Variants in ITGAM observed in about 807,000 individuals in gnomAD.
The protein encoded by ITGAM is integrin subunit alpha M, also known as integrin alpha-M.
Under a neutral mutation model 137.5 loss-of-function variants are expected in ITGAM, and 79 were observed. The observed-to-expected ratio is 0.57, with a 90% CI of 0.48 to 0.69. The LOEUF is 0.69. Ranked by LOEUF, ITGAM falls within the 30% of genes least tolerant of loss-of-function variation. ITGAM has a pLI of 0.00. For synonymous variants in ITGAM, 583 were observed against 592.3 expected, an observed-to-expected ratio of 0.98 and a Z score of 0.23; for missense variants, 1,343 against 1,483.5, an observed-to-expected ratio of 0.91 and a Z score of 1.56.
chr16:31,275,648 G>T lies in ITGAM; in HGVS notation c.958G>T (p.Ala320Ser). 6.2e-7 allele frequency: 1 copy of T among 1,613,880 alleles called. No homozygotes were observed. Among genetic ancestry groups the T allele is most frequent in the Non-Finnish European group, 8.5e-7 (1 of 1,179,870 alleles). ...CGTGTTCCAGGTGAATAACTTTGAGGCTCTGAAGACCATTCAGAACCAGCT... is the reference window on the plus strand; with the variant it reads ...CGTGTTCCAGGTGAATAACTTTGAGTCTCTGAAGACCATTCAGAACCAGCT... The part of the protein sequence containing the change: ...DHVFQVNNFE[A>S]LKTIQNQLRE... Residue 320 changes from alanine to serine, a missense_variant, in exon 9 of 30, where the codon GCT becomes TCT. Transcript: ENST00000544665.
At chr16:31,328,080 G>C (rs1199296758) in intron 22 of ITGAM, 67 bp from the exon 23 acceptor site, 5 of 1,200,042 alleles carry the variant, frequency 4.2e-6, no homozygotes, top group Non-Finnish European at 6.2e-6. Flanking sequence ...GGGAGTGAGG[G>C]AGAGGGAGGA....
At chr16:31,313,297 G>C (rs2080355332) in intron 14 of ITGAM, among the ~76,000 whole-genome samples, 1 of 152,080 alleles carries the variant, frequency 6.6e-6, no homozygotes, top group Admixed American at 6.6e-5. Context: ...AAGTGCCATG[G>C]TGGTTTGCTG....
At chr16:31,296,106 C>CTTTTT (rs768920728) in intron 12 of ITGAM, among the ~76,000 whole-genome samples, 5 of 131,042 alleles carry the variant, frequency 3.8e-5, no homozygotes, top group African/African-American at 1.1e-4. Flanking sequence ...ATCTTTTTAT[C>CTTTTT]TTTTTTTTTT....
In ITGAM at chr16:31,315,572, C is replaced by G. The variant is rs958577817; in HGVS notation, c.1708-5669C>G. ...TCCCGGGTCCCAGCGATTCTCCTGC[C>G]TCAGCCTCCCAAGTAGCTGGGATTA... is the stretch of plus-strand genomic sequence containing the variant. On this transcript the variant is annotated intron_variant, in intron 14 of 29. Coordinates refer to ENST00000544665, the MANE Select transcript of ITGAM (RefSeq NM_000632.4). Among the ~76,000 whole-genome samples the G allele has an allele frequency of 2.0e-5, 3 of 152,132 alleles. No homozygotes were observed. The East Asian group carries it at 5.8e-4, about 29-fold the overall frequency.
intron 14 of ITGAM, among the ~76,000 whole-genome samples, chr16:31,321,039 T>C (rs1244758340): frequency 1.3e-5 from 2 of 152,116 alleles, no homozygotes. Flanking sequence ...AAAGAAATTG[T>C]AGGTATCCTC....
At chr16:31,310,156 T>C (rs56275515) in intron 14 of ITGAM, among the ~76,000 whole-genome samples, 4,936 of 151,962 alleles carry the variant, frequency 0.032, 295 homozygotes, top group African/African-American at 0.11. Context: ...CTTTGGTGAA[T>C]CTGACAATTA....
In ITGAM at chr16:31,328,039, G is replaced by C. The variant is rs2080526666; in HGVS notation, c.2709-108G>C. On this transcript the variant is annotated intron_variant, in intron 22 of 29. Transcript: ENST00000544665. ...AGAACAGTGGGGTTTCAGATGCAGA[G>C]ATAACAGAACTTGGTGGCTGATTGG... 5 of 840,624 alleles carry C rather than the reference G, an allele frequency of 5.9e-6. No individual in the cohort carries two copies. In the African/African-American group the frequency reaches 8.3e-5, roughly 14 times the overall value. The allele number at this position is 840,624 out of a possible 1,614,324, so 52.1% of individuals were successfully genotyped here.
At chr16:31,282,031 G>C (rs374731951) in intron 12 of ITGAM, among the ~76,000 whole-genome samples, 2 of 152,288 alleles carry the variant, frequency 1.3e-5, no homozygotes, top group South Asian at 4.1e-4. Flanking sequence ...GAGCGGTTTT[G>C]AGTGAGTTTC....
rs766149203 is a variant in ITGAM at position 31,275,614 on chromosome 16, T to A, written c.924T>A (p.Pro308=). 6.2e-7 allele frequency: 1 copy of A among 1,613,956 alleles called. No homozygotes were observed. The highest frequency in any genetic ancestry group is 8.5e-7 in the Non-Finnish European group (1 of 1,179,866). The part of the protein sequence containing the change: ...QELNTIASKP[P]RDHVFQVNNF... ...TTAATACCATCGCATCCAAGCCGCCTCGTGATCACGTGTTCCAGGTGAATA... is the reference window on the plus strand; with the variant it reads ...TTAATACCATCGCATCCAAGCCGCCACGTGATCACGTGTTCCAGGTGAATA... The change falls in exon 9 of 30, where the codon CCT becomes CCA. Residue 308 remains proline (P), a synonymous_variant. Transcript: ENST00000544665.
intron 7 of ITGAM, 87 bp from the exon 8 acceptor site, chr16:31,273,278 A>T: frequency 8.5e-7 from 1 of 1,175,456 alleles, no homozygotes; most frequent in Non-Finnish European, 1.2e-6. Context: ...CCTGGATAAC[A>T]GAGTGAGTGT....
chr16:31,332,698 C>G lies in ITGAM; in HGVS notation c.*991C>G, dbSNP rs776945001. The G allele has an allele frequency of 6.6e-6, 1 of 152,228 alleles. No individual in the cohort carries two copies. The highest frequency in any genetic ancestry group is 1.5e-5 in the Non-Finnish European group (1 of 68,046). 9.4% of individuals were successfully genotyped at this position (152,228 alleles called of 1,614,324 possible). On this transcript the variant is annotated 3_prime_UTR_variant, in exon 30 of 30. Coordinates refer to ENST00000544665, the MANE Select transcript of ITGAM (RefSeq NM_000632.4). ...CTTGCTTTTTTTCACCAATATTTCT[C>G]AGACATCGGTTCATATTAAGACATA...
chr16:31,292,329 A>G (rs942810170), intron 12 of ITGAM, among the ~76,000 whole-genome samples: 2 of 152,048 alleles, frequency 1.3e-5, no homozygotes, highest in African/African-American at 4.8e-5. Flanking sequence ...AACTCATGTC[A>G]TGGGAGTTTG....
chr16:31,313,730 T>G (rs1377019281), intron 14 of ITGAM, among the ~76,000 whole-genome samples: 1 of 152,224 alleles, frequency 6.6e-6, no homozygotes, highest in South Asian at 2.1e-4. Context: ...TTATAATCCT[T>G]TGGGTATATA....
At chr16:31,328,092 C>A in intron 22 of ITGAM, 55 bp from the exon 23 acceptor site, 1 of 1,353,628 alleles carries the variant, frequency 7.4e-7, no homozygotes, top group Non-Finnish European at 1.1e-6. Flanking sequence ...GAGGGAGGAG[C>A]AAAGACTAAC....
At position 31,273,347 on chromosome 16, in the gene ITGAM, C is replaced by T. The variant is rs752565996; in HGVS notation, c.705-18C>T. 3.7e-6 allele frequency: 6 copies of T among 1,603,940 alleles called. No homozygotes were observed. The South Asian group carries it at 6.7e-5, about 18-fold the overall frequency. On this transcript the variant is annotated intron_variant, in intron 7 of 29. Transcript: ENST00000544665. ...CATCTACTTGCATTTGACTTTGTCC[C>T]TCCTGTTTCCTGCACAGACGAGAGC...
intron 12 of ITGAM, among the ~76,000 whole-genome samples, chr16:31,281,634 CG>C (rs776250670): frequency 3.0e-4 from 45 of 152,164 alleles, no homozygotes; most frequent in Non-Finnish European, 5.3e-4. Context: ...GTCTTGCTAG[CG>C]GTCTATCAGT....
At position 31,330,520 on chromosome 16, in the gene ITGAM, T is replaced by G; in HGVS notation, c.3191T>G (p.Leu1064Arg). Residue 1064 changes from leucine (L) to arginine (R), a missense_variant, in exon 28 of 30, where the codon CTC becomes CGC. By Grantham distance (102) the Leu-to-Arg change is moderately radical. Transcript: ENST00000544665. The stretch of plus-strand genomic sequence containing the variant: ...CTTCCACAGACCTCGCATAACCACC[T>G]CCTGATCGTGAGCACAGCTGAGATC... ...DWYIKTSHNH[L>R]LIVSTAEILF... The G allele has an allele frequency of 6.2e-7, 1 of 1,613,706 alleles. No individual in the cohort carries two copies. Among genetic ancestry groups the G allele is most frequent in the East Asian group, 2.2e-5 (1 of 44,868 alleles).
chr16:31,284,203 T>G (rs1246850283), intron 12 of ITGAM, among the ~76,000 whole-genome samples: 2 of 152,216 alleles, frequency 1.3e-5, no homozygotes, highest in African/African-American at 4.8e-5. Context: ...GCAGTCTGTC[T>G]GTTCTCAGAT....
chr16:31,278,491 T>C (rs1416541363), intron 12 of ITGAM, among the ~76,000 whole-genome samples: 2 of 152,184 alleles, frequency 1.3e-5, no homozygotes, highest in East Asian at 1.9e-4. Context: ...GGCTTCCCCA[T>C]GATCCAGCAA....
Sources: gnomAD v4.1 joint callset for allele counts (sites outside exome capture counted in the v4.1 genomes callset) on GRCh38, gnomAD v4.1.1 for gene constraint, MANE v1.5 for transcripts, NCBI Gene and HGNC (gene_info 2026-07-23, HGNC 2026-07-21) for gene names.